ITIH5: variants seen among roughly 807,000 people sequenced by gnomAD.
ITIH5 encodes inter-alpha-trypsin inhibitor heavy chain H5.
A neutral mutation model predicts 77.5 loss-of-function variants in ITIH5; 65 were observed. The observed-to-expected ratio is 0.84, with a 90% CI of 0.69 to 1.03. The LOEUF (loss-of-function observed/expected upper bound fraction) is 1.03, where lower values mean the gene tolerates loss of function less well. Ranked by LOEUF, ITIH5 falls within the 50% of genes least tolerant of loss-of-function variation. The pLI is 0.00. For synonymous variants in ITIH5, 525 were observed against 494.3 expected (o/e 1.06, Z -0.82); for missense variants, 1,208 against 1,213.1 (o/e 1.00, Z 0.06).
At chr10:7,658,589 G>A (rs1223672133) in intron 1 of ITIH5, among the ~76,000 whole-genome samples, 1 of 152,158 alleles carries the variant, frequency 6.6e-6, no homozygotes, top group African/African-American at 2.4e-5. Flanking sequence ...ATACATTTTA[G>A]GGAGACATGA....
chr10:7,576,303 T>C, intron 10 of ITIH5, 150 bp downstream of exon 10: 1 of 712,886 alleles, frequency 1.4e-6, no homozygotes, highest in East Asian at 2.8e-5. Context: ...GGATTACAGG[T>C]GTGAGCTACT....
chr10:7,655,184 C>G (rs904788197), intron 2 of ITIH5, among the ~76,000 whole-genome samples: 2 of 152,114 alleles, frequency 1.3e-5, no homozygotes, highest in Non-Finnish European at 1.5e-5. Context: ...GCTCTTAGAG[C>G]TTCTGAACAT....
At chr10:7,649,922 C>T (rs993935943) in intron 2 of ITIH5, among the ~76,000 whole-genome samples, 1 of 152,232 alleles carries the variant, frequency 6.6e-6, no homozygotes, top group Admixed American at 6.5e-5. Context: ...AAAAATCCAA[C>T]ATGCTTTCCA....
chr10:7,599,170 T>C (rs1212118305), intron 7 of ITIH5, among the ~76,000 whole-genome samples: 6 of 152,230 alleles, frequency 3.9e-5, no homozygotes, highest in South Asian at 2.1e-4. Context: ...AGATTTTTTT[T>C]CCCACTTCTC....
Position 7,573,955 on chromosome 10 carries a change from G to A in ITIH5, c.1979-760C>T, listed in dbSNP as rs574467442. On this transcript the variant is annotated intron_variant, in intron 10 of 13. Transcript: ENST00000397146. ...CAACAGTGTGAATATACCTAACATC[G>A]CTTACCAGCATTGAACTGTACGCTT... Among the ~76,000 whole-genome samples, 13 of 152,180 alleles carry A rather than the reference G, an allele frequency of 8.5e-5. No individual in the cohort carries two copies. The South Asian group carries it at 2.3e-3, about 27-fold the overall frequency.
chr10:7,657,314 T>C (rs1278263014), intron 1 of ITIH5, among the ~76,000 whole-genome samples: 1 of 152,150 alleles, frequency 6.6e-6, no homozygotes, highest in Non-Finnish European at 1.5e-5. Context: ...CCCAAAGTTC[T>C]GGAATTACAG....
chr10:7,600,636 A>G, intron 7 of ITIH5: 1 of 455,554 alleles, frequency 2.2e-6, no homozygotes, highest in Non-Finnish European at 4.4e-6. Flanking sequence ...TCCTTCTTCA[A>G]GCTAAGAATT....
At chr10:7,630,605 T>C (rs1833696196) in intron 5 of ITIH5, among the ~76,000 whole-genome samples, 1 of 152,188 alleles carries the variant, frequency 6.6e-6, no homozygotes, top group East Asian at 1.9e-4. Context: ...TTTTGGCCAT[T>C]CATATGTCTT....
intron 2 of ITIH5, among the ~76,000 whole-genome samples, chr10:7,642,994 C>A (rs1431315430): frequency 6.6e-6 from 1 of 152,118 alleles, no homozygotes; most frequent in African/African-American, 2.4e-5. Flanking sequence ...GCGGGGAAGG[C>A]AGTATTTGGA....
At chr10:7,631,443 A>C (rs942960270) in intron 5 of ITIH5, among the ~76,000 whole-genome samples, 1 of 152,210 alleles carries the variant, frequency 6.6e-6, no homozygotes, top group East Asian at 1.9e-4. Flanking sequence ...AGAGGGACTC[A>C]AGTACCTTTA....
intron 3 of ITIH5, among the ~76,000 whole-genome samples, chr10:7,641,089 G>C (rs1833878372): frequency 6.6e-6 from 1 of 152,202 alleles, no homozygotes; most frequent in Non-Finnish European, 1.5e-5. Flanking sequence ...TTCTCCAGGA[G>C]AAAAGTCACA....
At chr10:7,620,165 T>C (rs1444577717) in intron 5 of ITIH5, 2 of 150,780 alleles carry the variant, frequency 1.3e-5, no homozygotes, top group African/African-American at 4.9e-5. Flanking sequence ...AAGAGCAAAA[T>C]TCCATCCCAC....
chr10:7,568,258 C>T (rs1832227219), intron 12 of ITIH5, among the ~76,000 whole-genome samples: 1 of 152,152 alleles, frequency 6.6e-6, no homozygotes, highest in South Asian at 2.1e-4. Flanking sequence ...AACAATCTTC[C>T]CAGTAATCTT....
chr10:7,648,957 C>A (rs1834048508), intron 2 of ITIH5, among the ~76,000 whole-genome samples: 1 of 152,190 alleles, frequency 6.6e-6, no homozygotes, highest in Non-Finnish European at 1.5e-5. Context: ...TGCCCAGCTA[C>A]AATTCTCCCA....
chr10:7,594,264 G>C (rs2130992928), intron 7 of ITIH5, among the ~76,000 whole-genome samples: 1 of 152,300 alleles, frequency 6.6e-6, no homozygotes, highest in South Asian at 2.1e-4. Context: ...AAGAGCTGTA[G>C]ACTCTTCCAG....
chr10:7,602,132 G>C (rs1221526240), intron 7 of ITIH5, among the ~76,000 whole-genome samples: 1 of 152,112 alleles, frequency 6.6e-6, no homozygotes, highest in Non-Finnish European at 1.5e-5. Context: ...GGGATTACAG[G>C]TGTGAGCCAC....
intron 5 of ITIH5, among the ~76,000 whole-genome samples, chr10:7,624,534 C>T (rs1402485313): frequency 6.7e-6 from 1 of 150,274 alleles, no homozygotes; most frequent in Non-Finnish European, 1.5e-5. Flanking sequence ...CATGCATTAT[C>T]AGGCCAGGCA....
chr10:7,665,887 T>C (rs1834353978), intron 1 of ITIH5, among the ~76,000 whole-genome samples: 2 of 152,218 alleles, frequency 1.3e-5, no homozygotes, highest in Non-Finnish European at 2.9e-5. Flanking sequence ...GTTAAGCACA[T>C]TCACAGGACA....
chr10:7,623,523 G>A (rs1383033526), intron 5 of ITIH5, among the ~76,000 whole-genome samples: 1 of 152,150 alleles, frequency 6.6e-6, no homozygotes, highest in Non-Finnish European at 1.5e-5. Flanking sequence ...CCTTCATAAG[G>A]CCGGGCGTGG....
Sources: allele counts gnomAD v4.1 joint callset (sites outside exome capture counted in the v4.1 genomes callset), GRCh38; gene constraint gnomAD v4.1.1; transcripts MANE v1.5; gene names NCBI Gene and HGNC (gene_info 2026-07-23, HGNC 2026-07-21).